The following ARL15 variants were observed in gnomAD, a reference collection of about 807,000 sequenced individuals.
The protein encoded by ARL15 is ARF like GTPase 15, also known as ADP-ribosylation factor-like protein 15.
Under a neutral mutation model 25.2 loss-of-function variants are expected in ARL15, and 19 were observed. The ratio of observed to expected loss-of-function variants is 0.75; its 90% CI spans 0.53 to 1.10. The LOEUF (loss-of-function observed/expected upper bound fraction) is 1.10. Among genes scored for constraint, ARL15 ranks in the 50% least tolerant of loss-of-function variants. ARL15 has a pLI of 0.00. For synonymous variants in ARL15, 94 were observed against 86.8 expected (o/e 1.08, Z -0.46); for missense variants, 220 against 246.0 (o/e 0.89, Z 0.71).
intron 4 of ARL15, among the ~76,000 whole-genome samples, chr5:53,981,567 G>A (rs916863133): frequency 9.2e-5 from 14 of 152,046 alleles, no homozygotes; most frequent in Admixed American, 1.3e-4. Flanking sequence ...TTAAAAACTC[G>A]AAAAACATTA....
intron 3 of ARL15, among the ~76,000 whole-genome samples, chr5:54,135,264 T>C (rs549499176): frequency 6.6e-6 from 1 of 152,296 alleles, no homozygotes; most frequent in South Asian, 2.1e-4. Flanking sequence ...ATGATTCGTG[T>C]TGTTGGCATG....
At chr5:54,151,994 C>G (rs542672770) in intron 3 of ARL15, among the ~76,000 whole-genome samples, 2 of 152,096 alleles carry the variant, frequency 1.3e-5, no homozygotes, top group African/African-American at 4.8e-5. Context: ...CCTGGGCATT[C>G]CTCACTAAGA....
At chr5:54,248,195 G>A (rs890144462) in intron 1 of ARL15, among the ~76,000 whole-genome samples, 8 of 152,118 alleles carry the variant, frequency 5.3e-5, no homozygotes, top group Non-Finnish European at 1.0e-4. Flanking sequence ...TCTGAAGATG[G>A]AGCATTTGGG....
chr5:54,053,174 C>T (rs1750750295), intron 4 of ARL15, among the ~76,000 whole-genome samples: 1 of 152,042 alleles, frequency 6.6e-6, no homozygotes, highest in Admixed American at 6.5e-5. Context: ...TCCCTGGGGC[C>T]CGGGAGGATC....
intron 1 of ARL15, among the ~76,000 whole-genome samples, chr5:54,175,659 T>TC (rs200206260): frequency 0.023 from 3,068 of 134,966 alleles, 37 homozygotes; most frequent in Middle Eastern, 0.03. Flanking sequence ...TTTTTCTCTC[T>TC]TTTTTTTTTT....
At chr5:54,127,547 T>C (rs545415651) in intron 3 of ARL15, among the ~76,000 whole-genome samples, 2,756 of 145,012 alleles carry the variant, frequency 0.019, 61 homozygotes, top group African/African-American at 0.065. Context: ...GAACATTCCA[T>C]GCTCATGGGT....
chr5:54,123,649 C>G (rs1440482309), intron 3 of ARL15, among the ~76,000 whole-genome samples: 1 of 152,028 alleles, frequency 6.6e-6, no homozygotes, highest in African/African-American at 2.4e-5. Flanking sequence ...ATCAGACTTC[C>G]CTCTTTACAC....
chr5:54,034,310 T>TAAA (rs1750100088), intron 4 of ARL15, among the ~76,000 whole-genome samples: 2 of 152,202 alleles, frequency 1.3e-5, no homozygotes, highest in South Asian at 4.1e-4. Flanking sequence ...ACTGCCTGTT[T>TAAA]GGCCCTTGCT....
intron 1 of ARL15, among the ~76,000 whole-genome samples, chr5:54,260,341 A>T (rs1038249902): frequency 6.6e-6 from 1 of 152,218 alleles, no homozygotes; most frequent in Non-Finnish European, 1.5e-5. Flanking sequence ...CATAACAATT[A>T]CATAGGTACT....
At chr5:53,954,209 A>C (rs1747068942) in intron 4 of ARL15, among the ~76,000 whole-genome samples, 2 of 152,184 alleles carry the variant, frequency 1.3e-5, no homozygotes, top group Admixed American at 1.3e-4. Flanking sequence ...AGTCTGGATA[A>C]AACATTTGAA....
At chr5:54,272,693 G>A (rs1373993527) in intron 1 of ARL15, among the ~76,000 whole-genome samples, 2 of 152,150 alleles carry the variant, frequency 1.3e-5, no homozygotes, top group African/African-American at 2.4e-5. Context: ...TCCTCATGTA[G>A]CTAAACAATT....
chr5:53,916,754 C>T (rs1745662833), intron 4 of ARL15, among the ~76,000 whole-genome samples: 2 of 152,030 alleles, frequency 1.3e-5, no homozygotes, highest in African/African-American at 4.8e-5. Flanking sequence ...ATAATTTCCC[C>T]TAAAGGCTAT....
intron 1 of ARL15, among the ~76,000 whole-genome samples, chr5:54,259,726 G>GTGC: frequency 6.6e-6 from 1 of 152,294 alleles, no homozygotes; most frequent in Middle Eastern, 3.4e-3. Context: ...GCCAAGTAAT[G>GTGC]TGCTATCTGA....
chr5:54,226,170 G>C (rs1756511311), intron 1 of ARL15, among the ~76,000 whole-genome samples: 1 of 152,192 alleles, frequency 6.6e-6, no homozygotes, highest in Non-Finnish European at 1.5e-5. Context: ...TGAGCCAACA[G>C]CTGACACGGT....
At chr5:54,030,258 TA>T (rs1349092753) in intron 4 of ARL15, among the ~76,000 whole-genome samples, 2 of 152,152 alleles carry the variant, frequency 1.3e-5, no homozygotes, top group Non-Finnish European at 2.9e-5. Context: ...AGCAGTTATG[TA>T]TAAGACACAT....
chr5:54,156,935 C>T (rs993257920), intron 2 of ARL15, among the ~76,000 whole-genome samples: 3 of 152,198 alleles, frequency 2.0e-5, no homozygotes, highest in African/African-American at 7.2e-5. Context: ...AATATTCCTG[C>T]TGGCACAGAA....
Position 54,107,078 on chromosome 5 carries a change from G to A in ARL15, c.462+6124C>T, listed in dbSNP as rs150708030. 7.8e-3 allele frequency among the ~76,000 whole-genome samples: 1,188 copies of A among 152,200 alleles called. 11 individuals carry two copies. The highest frequency in any genetic ancestry group is 0.012 in the Non-Finnish European group (830 of 67,990). ...ATGGCTGGGGAGGCCTCAGAATCAC[G>A]GTGGGAGGTGAAAGGTACTTCTTCC... On this transcript the variant is annotated intron_variant, in intron 4 of 4. Coordinates refer to ENST00000504924, the MANE Select transcript of ARL15 (RefSeq NM_019087.3).
chr5:54,212,627 T>C (rs1324331055), intron 1 of ARL15, among the ~76,000 whole-genome samples: 1 of 152,220 alleles, frequency 6.6e-6, no homozygotes, highest in Non-Finnish European at 1.5e-5. Flanking sequence ...TAAATGGCTA[T>C]TGGGTGTACA....
intron 4 of ARL15, among the ~76,000 whole-genome samples, chr5:53,981,106 C>G: frequency 6.6e-6 from 1 of 152,114 alleles, no homozygotes; most frequent in East Asian, 1.9e-4. Flanking sequence ...TCAGAACGAA[C>G]CCCGGTTTAG....
Sources: allele counts gnomAD v4.1 joint callset (sites outside exome capture counted in the v4.1 genomes callset), GRCh38; gene constraint gnomAD v4.1.1; transcripts MANE v1.5; gene names NCBI Gene and HGNC (gene_info 2026-07-23, HGNC 2026-07-21).